DLGAP2: variants seen among roughly 807,000 people sequenced by gnomAD.
DLGAP2 encodes the protein disks large-associated protein 2.
A neutral mutation model predicts 100.3 loss-of-function variants in DLGAP2; 26 were observed. The ratio of observed to expected loss-of-function variants is 0.26; its 90% CI spans 0.19 to 0.36. DLGAP2 has a LOEUF of 0.36. Ranked by LOEUF, DLGAP2 falls within the 10% of genes least tolerant of loss-of-function variation. The pLI, the probability that DLGAP2 is intolerant of heterozygous loss-of-function variation, is 1.00. For synonymous variants in DLGAP2, 886 were observed against 630.1 expected (o/e 1.41, Z -6.08); for missense variants, 1,858 against 1,453.2 (o/e 1.28, Z -4.53).
At chr8:927,318 A>G (rs1381998532) in intron 2 of DLGAP2, 3 of 823,320 alleles carry the variant, frequency 3.6e-6, no homozygotes, top group Non-Finnish European at 1.5e-6. Flanking sequence ...TTACTTGAAC[A>G]TGTTGATTCA....
At chr8:1,240,512 T>A (rs1341468912) in intron 2 of DLGAP2, among the ~76,000 whole-genome samples, 4 of 151,250 alleles carry the variant, frequency 2.6e-5, no homozygotes, top group African/African-American at 4.9e-5. Context: ...CGTGTCTAGT[T>A]CTCTCACATG....
chr8:1,445,060 G>A (rs959662700), intron 3 of DLGAP2, among the ~76,000 whole-genome samples: 39 of 142,756 alleles, frequency 2.7e-4, no homozygotes, highest in African/African-American at 9.1e-4. Flanking sequence ...ATGAGCCACC[G>A]CGCCCAGCCA....
Position 1,549,049 on chromosome 8 carries a change from A to G in DLGAP2, c.596A>G (p.Gln199Arg). 6.3e-7 allele frequency: 1 copy of G among 1,592,496 alleles called. No homozygotes were observed. ...AACCTGCTGGACCAGTTCGAGAAGCAGCTGCCGCTGCACCGGGACGGCTTC... is the reference window on the plus strand; with the variant it reads ...AACCTGCTGGACCAGTTCGAGAAGCGGCTGCCGCTGCACCGGGACGGCTTC... The part of the protein sequence containing the change: ...PANLLDQFEK[Q>R]LPLHRDGFHT... The change falls in exon 5 of 15, where the codon CAG becomes CGG. Residue 199 changes from glutamine (Q) to arginine (R), a missense_variant. Physicochemically the swap from Gln to Arg is conservative, Grantham distance 43. Coordinates refer to ENST00000637795, the MANE Select transcript of DLGAP2 (RefSeq NM_001346810.2).
chr8:801,231 A>G lies in DLGAP2; in HGVS notation c.18+63406A>G, dbSNP rs536031399. On this transcript the variant is annotated intron_variant, in intron 1 of 14. Coordinates refer to ENST00000637795, the MANE Select transcript of DLGAP2 (RefSeq NM_001346810.2). ...GGCAAGCAGCCGCAAAGCAATAATT[A>G]TGATCAATACAACTTTGTTGGATTA... Among the ~76,000 whole-genome samples the G allele has an allele frequency of 6.6e-5, 10 of 152,374 alleles. No homozygotes were observed. In the East Asian group the frequency reaches 1.9e-3, roughly 29 times the overall value.
At chr8:1,216,391 C>T in intron 2 of DLGAP2, among the ~76,000 whole-genome samples, 1 of 152,084 alleles carries the variant, frequency 6.6e-6, no homozygotes, top group Admixed American at 6.6e-5. Flanking sequence ...CTCTGTTGCC[C>T]AGGCTGGAGT....
Position 1,349,170 on chromosome 8 carries a change from C to G in DLGAP2, c.106+90287C>G, listed in dbSNP as rs185814942. On this transcript the variant is annotated intron_variant, in intron 3 of 14. Coordinates refer to ENST00000637795, the MANE Select transcript of DLGAP2 (RefSeq NM_001346810.2). The stretch of plus-strand genomic sequence containing the variant: ...TTCCCGTTCACCTAAACAGACACAG[C>G]TTTACAAAACACAGCTGTGTCGTAC... 3.6e-4 allele frequency among the ~76,000 whole-genome samples: 55 copies of G among 150,852 alleles called. 1 individual carries two copies. In the East Asian group the frequency reaches 9.6e-3, roughly 26 times the overall value.
chr8:1,248,618 G>A (rs1482426741), intron 2 of DLGAP2: 1 of 152,012 alleles, frequency 6.6e-6, no homozygotes, highest in Non-Finnish European at 1.5e-5. Flanking sequence ...GTCCACGTCG[G>A]TGGCCGGGAA....
chr8:1,148,235 A>T (rs954519811), intron 2 of DLGAP2, among the ~76,000 whole-genome samples: 5 of 152,136 alleles, frequency 3.3e-5, no homozygotes, highest in Admixed American at 6.5e-5. Flanking sequence ...TGGATTTACA[A>T]ATTAGTGATA....
chr8:1,384,184 A>C (rs1429405529), intron 3 of DLGAP2, among the ~76,000 whole-genome samples: 1 of 152,282 alleles, frequency 6.6e-6, no homozygotes, highest in African/African-American at 2.4e-5. Context: ...AAGGATTCAT[A>C]AAAGTTAAGG....
chr8:1,416,213 G>A (rs1796878352), intron 3 of DLGAP2, among the ~76,000 whole-genome samples: 1 of 152,168 alleles, frequency 6.6e-6, no homozygotes, highest in Non-Finnish European at 1.5e-5. Flanking sequence ...CGTCAATACA[G>A]AGTGGCGACC....
Position 1,699,136 on chromosome 8 carries a change from C to T in DLGAP2, c.2949+1837C>T, listed in dbSNP as rs533117264. On this transcript the variant is annotated intron_variant, in intron 14 of 14. Coordinates refer to ENST00000637795, the MANE Select transcript of DLGAP2 (RefSeq NM_001346810.2). The stretch of plus-strand genomic sequence containing the variant: ...TTAGCCCAGGTGCACACGATGGTTC[C>T]GTCTAGTCTCCATTCTTTGGTCATT... 9.2e-5 allele frequency among the ~76,000 whole-genome samples: 14 copies of T among 152,324 alleles called. No individual in the cohort carries two copies. In the South Asian group the frequency reaches 2.1e-3, roughly 23 times the overall value.
At chr8:1,561,461 T>C (rs1802159003) in intron 5 of DLGAP2, among the ~76,000 whole-genome samples, 1 of 152,058 alleles carries the variant, frequency 6.6e-6, no homozygotes, top group Non-Finnish European at 1.5e-5. Flanking sequence ...TCAGGATCCT[T>C]GTCCTGAGCC....
chr8:1,483,851 G>T (rs1185960333), intron 3 of DLGAP2, among the ~76,000 whole-genome samples: 1 of 152,214 alleles, frequency 6.6e-6, no homozygotes, highest in Non-Finnish European at 1.5e-5. Flanking sequence ...GCTGTGGTTT[G>T]CTCACAATTG....
At chr8:814,896 C>T (rs977811180) in intron 1 of DLGAP2, among the ~76,000 whole-genome samples, 8 of 150,590 alleles carry the variant, frequency 5.3e-5, no homozygotes, top group African/African-American at 2.0e-4. Context: ...ACATTATAGC[C>T]CTTGAAATGA....
chr8:1,663,989 G>A (rs1037623821), intron 8 of DLGAP2, among the ~76,000 whole-genome samples: 19 of 152,264 alleles, frequency 1.2e-4, no homozygotes, highest in African/African-American at 3.8e-4. Flanking sequence ...CAGACCGCTG[G>A]GGAAATCCAA....
intron 13 of DLGAP2, among the ~76,000 whole-genome samples, chr8:1,693,546 G>C (rs144799672): frequency 8.5e-5 from 13 of 152,130 alleles, no homozygotes; most frequent in African/African-American, 1.2e-4. Context: ...TAGGCCTCGC[G>C]TAGCAATGGT....
At chr8:931,213 T>C (rs948031967) in intron 2 of DLGAP2, among the ~76,000 whole-genome samples, 14 of 151,554 alleles carry the variant, frequency 9.2e-5, no homozygotes, top group African/African-American at 3.4e-4. Flanking sequence ...GACAGGCGGG[T>C]GTCTGAGGGC....
rs995336351 is a variant in DLGAP2 at position 975,295 on chromosome 8, G to T, written c.73+67329G>T. Among the ~76,000 whole-genome samples the T allele has an allele frequency of 3.9e-5, 6 of 152,238 alleles. No homozygotes were observed. In the East Asian group the frequency reaches 5.8e-4, roughly 15 times the overall value. ...GCACCAAGCCCGCATGGGTTCATTG[G>T]TGAATTCTATCAAATATTTAAGGAA... On this transcript the variant is annotated intron_variant, in intron 2 of 14. Transcript: ENST00000637795.
chr8:1,434,937 T>C (rs552610719), intron 3 of DLGAP2, among the ~76,000 whole-genome samples: 1 of 152,334 alleles, frequency 6.6e-6, no homozygotes, highest in Admixed American at 6.5e-5. Context: ...CTGGTCTGCA[T>C]GTCACATGCC....
Sources: allele counts gnomAD v4.1 joint callset (sites outside exome capture counted in the v4.1 genomes callset), GRCh38; gene constraint gnomAD v4.1.1; transcripts MANE v1.5; gene names NCBI Gene and HGNC (gene_info 2026-07-23, HGNC 2026-07-21).